Variants in WDPCP observed in about 807,000 individuals in gnomAD.
WDPCP encodes WD repeat containing planar cell polarity effector, also known as WD repeat-containing and planar cell polarity effector protein fritz homolog.
In WDPCP, 71 loss-of-function variants were observed where a neutral mutation model predicts 93.1. That is an observed-to-expected ratio of 0.76 (90% CI 0.63 to 0.93). WDPCP has a LOEUF of 0.93. Ranked by LOEUF, WDPCP falls within the 40% of genes least tolerant of loss-of-function variation. The probability of loss-of-function intolerance (pLI) is 0.00; values close to 1 mark genes in which losing one functional copy is unlikely to be tolerated. For synonymous variants in WDPCP, 315 were observed against 315.0 expected (o/e 1.00, Z 0.00); for missense variants, 844 against 887.4 (o/e 0.95, Z 0.62).
At chr2:63,659,365 A>T (rs1370146148) in intron 2 of WDPCP, among the ~76,000 whole-genome samples, 1 of 152,250 alleles carries the variant, frequency 6.6e-6, no homozygotes. Context: ...TTCGGAAAAG[A>T]GGACTTTATA....
intron 3 of WDPCP, among the ~76,000 whole-genome samples, chr2:63,615,571 T>C (rs1709663530): frequency 1.3e-5 from 2 of 152,156 alleles, no homozygotes; most frequent in South Asian, 4.1e-4. Flanking sequence ...CACTAACTCA[T>C]TTATAAAAAC....
At chr2:63,736,569 A>G (rs1352515881) in intron 2 of WDPCP, among the ~76,000 whole-genome samples, 2 of 152,234 alleles carry the variant, frequency 1.3e-5, no homozygotes, top group African/African-American at 4.8e-5. Flanking sequence ...TCAGGAAGTA[A>G]CTGAAAATCT....
At chr2:63,327,556 C>T (rs563700156) in intron 12 of WDPCP, among the ~76,000 whole-genome samples, 1 of 152,288 alleles carries the variant, frequency 6.6e-6, no homozygotes, top group African/African-American at 2.4e-5. Flanking sequence ...TTCCTCACTG[C>T]TGAGAAAGGA....
intron 2 of WDPCP, among the ~76,000 whole-genome samples, chr2:63,758,802 G>C (rs1162932501): frequency 6.6e-6 from 1 of 151,732 alleles, no homozygotes; most frequent in African/African-American, 2.4e-5. Flanking sequence ...TTTTGAGACA[G>C]AGTCTCACTT....
chr2:63,534,455 T>A (rs1704109525), intron 1 of WDPCP, among the ~76,000 whole-genome samples: 1 of 152,038 alleles, frequency 6.6e-6, no homozygotes, highest in African/African-American at 2.4e-5. Context: ...AATGCAAAAA[T>A]CTTCAATAAA....
At chr2:63,654,789 T>C (rs1710146892) in intron 2 of WDPCP, among the ~76,000 whole-genome samples, 1 of 152,214 alleles carries the variant, frequency 6.6e-6, no homozygotes, top group Non-Finnish European at 1.5e-5. Flanking sequence ...GTAAATGCCA[T>C]GCAAATAATT....
intron 12 of WDPCP, among the ~76,000 whole-genome samples, chr2:63,331,994 T>C (rs910335562): frequency 1.3e-5 from 2 of 151,932 alleles, no homozygotes; most frequent in South Asian, 2.1e-4. Context: ...GATGTTCCCA[T>C]TTGGGCCTGT....
At chr2:63,678,265 G>C (rs1353511270) in intron 2 of WDPCP, among the ~76,000 whole-genome samples, 3 of 152,184 alleles carry the variant, frequency 2.0e-5, no homozygotes, top group Non-Finnish European at 2.9e-5. Flanking sequence ...TAGGCAGGAA[G>C]AAAAGGGAAG....
intron 2 of WDPCP, chr2:63,684,611 G>A: frequency 1.4e-6 from 1 of 719,120 alleles, no homozygotes; most frequent in Non-Finnish European, 2.6e-6. Flanking sequence ...TGTCTTCAGA[G>A]ATCCTGCTCT....
At chr2:63,815,816 C>A (rs1485071363) in intron 1 of WDPCP, among the ~76,000 whole-genome samples, 1 of 152,038 alleles carries the variant, frequency 6.6e-6, no homozygotes, top group Non-Finnish European at 1.5e-5. Flanking sequence ...GCTGCAAGTA[C>A]TAATAAAGTA....
intron 17 of WDPCP, among the ~76,000 whole-genome samples, chr2:63,139,145 G>A (rs1283705250): frequency 7.0e-6 from 1 of 142,546 alleles, no homozygotes; most frequent in African/African-American, 2.6e-5. Flanking sequence ...GTATGTGTGT[G>A]TATATGTGTA....
chr2:63,484,496 G>A, intron 6 of WDPCP, 108 bp downstream of exon 6: 2 of 1,264,088 alleles, frequency 1.6e-6, no homozygotes, highest in South Asian at 2.5e-5. Context: ...AATAACCACT[G>A]CTAAAAAAGT....
At position 63,604,380 on chromosome 2, in the gene WDPCP, AAAT is replaced by A. The variant is rs34791099; in HGVS notation, n.488+46276_488+46278del. The stretch of plus-strand genomic sequence containing the variant: ...CATATTCAAGAAATAGTAAATTGAT[AAAT>A]AATAGTAACGATTAATGTTTTATGT... On this transcript the variant is annotated intron_variant and non_coding_transcript_variant, in intron 3 of 4. Coordinates refer to the WDPCP transcript ENST00000467687. 1.5e-3 allele frequency among the ~76,000 whole-genome samples: 236 copies of A among 152,366 alleles called. 1 individual carries two copies. Among genetic ancestry groups the A allele is most frequent in the African/African-American group, 5.0e-3 (208 of 41,584 alleles).
At chr2:63,514,147 T>A (rs1297642333) in intron 1 of WDPCP, among the ~76,000 whole-genome samples, 1 of 152,130 alleles carries the variant, frequency 6.6e-6, no homozygotes, top group Admixed American at 6.6e-5. Flanking sequence ...AACTGAAGAA[T>A]TAAAATTGGT....
At chr2:63,633,443 A>G (rs1015313167) in intron 3 of WDPCP, among the ~76,000 whole-genome samples, 5 of 152,342 alleles carry the variant, frequency 3.3e-5, no homozygotes, top group Admixed American at 3.3e-4. Context: ...AAATTATGAC[A>G]TCAAAAATAT....
At chr2:63,329,879 T>C (rs1172743849) in intron 12 of WDPCP, among the ~76,000 whole-genome samples, 1 of 152,188 alleles carries the variant, frequency 6.6e-6, no homozygotes, top group Non-Finnish European at 1.5e-5. Flanking sequence ...CTTAGCATAA[T>C]GTCCTCTAGG....
chr2:63,643,743 C>T lies in WDPCP; in HGVS notation n.488+6916G>A. The T allele has an allele frequency of 5.7e-6, 3 of 523,722 alleles. No individual in the cohort carries two copies. In the Admixed American group the frequency reaches 5.9e-5, roughly 10 times the overall value. 32.4% of individuals were successfully genotyped at this position (523,722 alleles called of 1,614,324 possible). ...CAGAGTGACCCTTGGTGTCATAGATCAGACGGACATTCTCTCCAGTCTTGT... is the reference window on the plus strand; with the variant it reads ...CAGAGTGACCCTTGGTGTCATAGATTAGACGGACATTCTCTCCAGTCTTGT... On this transcript the variant is annotated intron_variant and non_coding_transcript_variant, in intron 3 of 4. Transcript: ENST00000467687.
intron 1 of WDPCP, among the ~76,000 whole-genome samples, chr2:63,819,570 A>C (rs1371357944): frequency 6.6e-6 from 1 of 152,170 alleles, no homozygotes; most frequent in Non-Finnish European, 1.5e-5. Context: ...CCACTTTCGG[A>C]GTTTTAATTC....
At chr2:63,786,428 G>C (rs952688166) in intron 2 of WDPCP, among the ~76,000 whole-genome samples, 2 of 152,154 alleles carry the variant, frequency 1.3e-5, no homozygotes, top group Admixed American at 1.3e-4. Context: ...GTTTGGAAGA[G>C]AGCATCTAAG....
Sources: gnomAD v4.1 joint callset for allele counts (sites outside exome capture counted in the v4.1 genomes callset) on GRCh38, gnomAD v4.1.1 for gene constraint, MANE v1.5 for transcripts, NCBI Gene and HGNC (gene_info 2026-07-23, HGNC 2026-07-21) for gene names.